The following DNAJA2 variants were observed in gnomAD, a reference collection of about 807,000 sequenced individuals.
DNAJA2 encodes dnaJ homolog subfamily A member 2.
A neutral mutation model predicts 49.3 loss-of-function variants in DNAJA2; 6 were observed. The observed-to-expected ratio is 0.12, with a 90% CI of 0.07 to 0.24. DNAJA2 has a LOEUF of 0.24. DNAJA2 is among the 10% of genes least tolerant of loss of function. The pLI is 1.00. For missense variants in DNAJA2, 347 were observed against 516.8 expected (o/e 0.67, Z 3.19); for synonymous variants, 160 against 172.7 (o/e 0.93, Z 0.58).
At position 46,964,741 on chromosome 16, in the gene DNAJA2, T is replaced by C; in HGVS notation, c.644A>G (p.Lys215Arg). 1 of 1,614,198 alleles carries C rather than the reference T, an allele frequency of 6.2e-7. No individual in the cohort carries two copies. Among genetic ancestry groups the C allele is most frequent in the Non-Finnish European group, 8.5e-7 (1 of 1,180,018 alleles). The stretch of plus-strand genomic sequence containing the variant: ...TTTGTCTACGTGGACTTCAAGAATC[T>C]TGACTTCTTTAATCACCTTCTTCCC... ...CEGKKVIKEVKILEVHVDKGM... is the reference protein window; with the variant it reads ...CEGKKVIKEVRILEVHVDKGM... Residue 215 changes from lysine to arginine, a missense_variant, in exon 6 of 9, where the codon AAG (lysine) becomes AGG (arginine). Transcript: ENST00000317089.
rs1961945044 is a variant in DNAJA2, at chr16:46,964,762, T to C, written c.623A>G (p.Lys208Arg). 6.2e-7 allele frequency: 1 copy of C among 1,613,984 alleles called. No individual in the cohort carries two copies. The highest frequency in any genetic ancestry group is 8.5e-7 in the Non-Finnish European group (1 of 1,179,990). Residue 208 changes from lysine (K) to arginine (R), a missense_variant, in exon 6 of 9, where the codon AAG becomes AGG. Lys to Arg is a conservative substitution (Grantham distance 26, BLOSUM62 2). Coordinates refer to ENST00000317089, the MANE Select transcript of DNAJA2 (RefSeq NM_005880.4). ...EKDRCKKCEG[K>R]KVIKEVKILE... ...AATCTTGACTTCTTTAATCACCTTC[T>C]TCCCTTCACATTTTTTACAGCGGTC...
rs535338468 is a variant in DNAJA2, at chr16:46,959,180, A to C, written c.920-50T>G. The stretch of plus-strand genomic sequence containing the variant: ...ATAATTTTACCCAAAAGAGGTGTTC[A>C]ATTTTTTTTAGAGTTATGCAGTATA... On this transcript the variant is annotated intron_variant, in intron 7 of 8. Transcript: ENST00000317089. 16 of 1,573,882 alleles carry C rather than the reference A, an allele frequency of 1.0e-5. No homozygotes were observed. In the African/African-American group the frequency reaches 2.1e-4, roughly 20 times the overall value.
rs1567353667 is a variant in DNAJA2, at chr16:46,964,733, C to T, written c.652G>A (p.Glu218Lys). The T allele has an allele frequency of 6.2e-7, 1 of 1,614,122 alleles. No individual in the cohort carries two copies. The highest frequency in any genetic ancestry group is 8.5e-7 in the Non-Finnish European group (1 of 1,179,996). The change falls in exon 6 of 9, where the codon GAA (glutamate) becomes AAA (lysine). Residue 218 changes from glutamate to lysine, a missense_variant. By Grantham distance (56) the Glu-to-Lys change is moderately conservative. Transcript: ENST00000317089. ...KKVIKEVKIL[E>K]VHVDKGMKHG... Reference sequence around the variant, plus strand: ...TTCATGCCTTTGTCTACGTGGACTTCAAGAATCTTGACTTCTTTAATCACC... The same window carrying T: ...TTCATGCCTTTGTCTACGTGGACTTTAAGAATCTTGACTTCTTTAATCACC...
At position 46,955,984 on chromosome 16, in the gene DNAJA2, A is replaced by C. The variant is rs1265528024; in HGVS notation, c.*1045T>G. ...AAACATTACAGAAACTCAAAATAATAATCAATGGCTTCTCCAATTCCAAAT... is the reference window on the plus strand; with the variant it reads ...AAACATTACAGAAACTCAAAATAATCATCAATGGCTTCTCCAATTCCAAAT... On this transcript the variant is annotated 3_prime_UTR_variant, in exon 9 of 9. Coordinates refer to ENST00000317089, the MANE Select transcript of DNAJA2 (RefSeq NM_005880.4). 2.0e-5 allele frequency: 3 copies of C among 152,250 alleles called. No homozygotes were observed. The highest frequency in any genetic ancestry group is 7.2e-5 in the African/African-American group (3 of 41,472). The allele number at this position is 152,250 out of a possible 1,614,324, so 9.4% of individuals were successfully genotyped here.
intron 4 of DNAJA2, 152 bp from the exon 5 acceptor site, chr16:46,967,798 G>A: frequency 3.4e-6 from 4 of 1,187,160 alleles, no homozygotes; most frequent in Non-Finnish European, 4.7e-6. Context: ...ATTCTGCTAA[G>A]ATTTTTTTAC....
chr16:46,959,010 T>C lies in DNAJA2; in HGVS notation c.1040A>G (p.Lys347Arg), dbSNP rs748554053. 4 of 1,579,634 alleles carry C rather than the reference T, an allele frequency of 2.5e-6. No homozygotes were observed. Among genetic ancestry groups the C allele is most frequent in the South Asian group, 2.3e-5 (2 of 85,312 alleles). ...AATTTAAAGAACACTTACAGAAAGC[T>C]TGTCTGGGTTGATCCAGTTGTTTTC... ...FPENNWINPD[K>R]LSELEDLLPS... Residue 347 changes from lysine to arginine, a missense_variant, in exon 8 of 9, where the codon AAG becomes AGG. Transcript: ENST00000317089.
chr16:46,971,698 G>A, intron 2 of DNAJA2, 126 bp from the exon 3 acceptor site: 1 of 792,468 alleles, frequency 1.3e-6, no homozygotes, highest in Non-Finnish European at 1.9e-6. Flanking sequence ...CCTTTGACTT[G>A]ATTCTGGTTC....
chr16:46,972,141 TAGAC>T, intron 1 of DNAJA2, 186 bp from the exon 2 acceptor site: 1 of 568,604 alleles, frequency 1.8e-6, no homozygotes, highest in Non-Finnish European at 3.1e-6. Context: ...TATAACCAAG[TAGAC>T]AGCAGCTATA....
rs995053060 is a variant in DNAJA2 at position 46,956,929 on chromosome 16, C to T, written c.*100G>A. 2 of 1,288,430 alleles carry T rather than the reference C, an allele frequency of 1.6e-6. No homozygotes were observed. Among genetic ancestry groups the T allele is most frequent in the Middle Eastern group, 1.9e-4 (1 of 5,386 alleles). The allele number at this position is 1,288,430 out of a possible 1,614,324, so 79.8% of individuals were successfully genotyped here. A position where few individuals can be genotyped will look rare whatever the true frequency, so the allele number is the denominator to read the frequency against. On this transcript the variant is annotated 3_prime_UTR_variant, in exon 9 of 9. Coordinates refer to ENST00000317089, the MANE Select transcript of DNAJA2 (RefSeq NM_005880.4). ...GTTATACATAGACCAACAGATGTCCCTCAGTTCATCTGGATTGATAAGACA... is the reference window on the plus strand; with the variant it reads ...GTTATACATAGACCAACAGATGTCCTTCAGTTCATCTGGATTGATAAGACA...
chr16:46,959,213 T>C lies in DNAJA2; in HGVS notation c.919+62A>G, dbSNP rs772608030. ...TTAGAGTTATGCAGTATAAAAAAATTACAAATTGTAATTTTTTTCAAAAAT... is the reference window on the plus strand; with the variant it reads ...TTAGAGTTATGCAGTATAAAAAAATCACAAATTGTAATTTTTTTCAAAAAT... On this transcript the variant is annotated intron_variant, in intron 7 of 8. Transcript: ENST00000317089. 3.2e-6 allele frequency: 5 copies of C among 1,581,400 alleles called. No individual in the cohort carries two copies. The South Asian group carries it at 4.6e-5, about 15-fold the overall frequency.
chr16:46,972,322 G>A (rs1340174502), intron 1 of DNAJA2: 2 of 191,086 alleles, frequency 1.0e-5, no homozygotes, highest in African/African-American at 4.7e-5. Flanking sequence ...ATAAATGACT[G>A]TTAAGCTTTG....
rs764201526 is a variant in DNAJA2 at position 46,956,103 on chromosome 16, GTTACC to G, written c.*921_*925del. 1.3e-5 allele frequency: 2 copies of G among 152,182 alleles called. No individual in the cohort carries two copies. Among genetic ancestry groups the G allele is most frequent in the African/African-American group, 4.8e-5 (2 of 41,434 alleles). The allele number at this position is 152,182 out of a possible 1,614,324, so 9.4% of individuals were successfully genotyped here. ...GACATGGTTTTACTATAGATTTGCT[GTTACC>G]TTATTTTTTTAAGGGGGTGGTGGTA... is the stretch of plus-strand genomic sequence containing the variant. On this transcript the variant is annotated 3_prime_UTR_variant, in exon 9 of 9. Coordinates refer to ENST00000317089, the MANE Select transcript of DNAJA2 (RefSeq NM_005880.4).
At position 46,971,460 on chromosome 16, in the gene DNAJA2, A is replaced by G; in HGVS notation, c.251T>C (p.Met84Thr). The part of the protein sequence containing the change: ...LREGSGGGGG[M>T]DDIFSHIFGG... The stretch of plus-strand genomic sequence containing the variant: ...AAAAATGTGAGAGAAAATATCATCC[A>G]TGCCACCACCTCCGCCGCTGCCTTC... Residue 84 changes from methionine (M) to threonine (T), a missense_variant, in exon 3 of 9, where the codon ATG becomes ACG. Met to Thr is a moderately conservative substitution (Grantham distance 81). Coordinates refer to ENST00000317089, the MANE Select transcript of DNAJA2 (RefSeq NM_005880.4). The G allele has an allele frequency of 6.2e-7, 1 of 1,614,078 alleles. No individual in the cohort carries two copies. The highest frequency in any genetic ancestry group is 8.5e-7 in the Non-Finnish European group (1 of 1,179,998).
At position 46,956,945 on chromosome 16, in the gene DNAJA2, T is replaced by G. The variant is rs550817486; in HGVS notation, c.*84A>C. 4.7e-5 allele frequency: 70 copies of G among 1,473,858 alleles called. No individual in the cohort carries two copies. In the East Asian group the frequency reaches 1.5e-3, roughly 32 times the overall value. The allele number at this position is 1,473,858 out of a possible 1,614,324, so 91.3% of individuals were successfully genotyped here. On this transcript the variant is annotated 3_prime_UTR_variant, in exon 9 of 9. Coordinates refer to ENST00000317089, the MANE Select transcript of DNAJA2 (RefSeq NM_005880.4). ...CAGATGTCCCTCAGTTCATCTGGAT[T>G]GATAAGACACTCCAGCTGGATTGCT...
intron 6 of DNAJA2, 56 bp downstream of exon 6, chr16:46,964,555 G>A: frequency 6.6e-7 from 1 of 1,525,126 alleles, no homozygotes; most frequent in African/African-American, 1.4e-5. Context: ...TTTCTCACAA[G>A]CAAGAAGTAC....
Position 46,959,313 on chromosome 16 carries a change from A to G in DNAJA2, c.881T>C (p.Ile294Thr), listed in dbSNP as rs759651150. ...TTTGCCAGGGGGGTATTTCACCACA[A>G]TCTGACGTCCATCAAGGTGCTTAAA... is the stretch of plus-strand genomic sequence containing the variant. ...FTFKHLDGRQ[I>T]VVKYPPGKVI... Residue 294 changes from isoleucine (I) to threonine (T), a missense_variant, in exon 7 of 9, where the codon ATT becomes ACT. Physicochemically the swap from Ile to Thr is moderately conservative, Grantham distance 89. Transcript: ENST00000317089. 16 of 1,614,110 alleles carry G rather than the reference A, an allele frequency of 9.9e-6. No homozygotes were observed. The East Asian group carries it at 3.3e-4, about 34-fold the overall frequency.
chr16:46,967,947 T>G (rs956689886), intron 4 of DNAJA2, 137 bp downstream of exon 4: 1 of 871,124 alleles, frequency 1.1e-6, no homozygotes, highest in African/African-American at 1.7e-5. Context: ...CCTCCCAAAG[T>G]GCTGGGATTT....
Position 46,956,787 on chromosome 16 carries a change from G to A in DNAJA2, c.*242C>T, listed in dbSNP as rs913466195. ...AACTTATAATAATCCATGTGTGAAA[G>A]GGAGTCTTGTTTCCTTTCAAGTGCT... On this transcript the variant is annotated 3_prime_UTR_variant, in exon 9 of 9. Coordinates refer to ENST00000317089, the MANE Select transcript of DNAJA2 (RefSeq NM_005880.4). 1.2e-5 allele frequency: 5 copies of A among 412,942 alleles called. No individual in the cohort carries two copies. Among genetic ancestry groups the A allele is most frequent in the Non-Finnish European group, 2.2e-5 (5 of 231,442 alleles). 25.6% of individuals were successfully genotyped at this position (412,942 alleles called of 1,614,324 possible). A position where few individuals can be genotyped will look rare whatever the true frequency, so the allele number is the denominator to read the frequency against.
intron 5 of DNAJA2, among the ~76,000 whole-genome samples, chr16:46,965,926 T>C (rs1306593968): frequency 6.6e-6 from 1 of 151,376 alleles, no homozygotes; most frequent in Non-Finnish European, 1.5e-5. Flanking sequence ...TTAGCAATTA[T>C]AATAAAATAA....
Sources: gnomAD v4.1 joint callset for allele counts (sites outside exome capture counted in the v4.1 genomes callset) on GRCh38, gnomAD v4.1.1 for gene constraint, MANE v1.5 for transcripts, NCBI Gene and HGNC (gene_info 2026-07-23, HGNC 2026-07-21) for gene names.